BICRAL: variants seen among roughly 807,000 people sequenced by gnomAD.
BICRAL encodes the protein BICRA like chromatin remodeling complex associated protein, also known as BRD4-interacting chromatin-remodeling complex-associated protein-like.
In BICRAL, 8 loss-of-function variants were observed where a neutral mutation model predicts 91.8. The observed-to-expected ratio is 0.09, with a 90% CI of 0.05 to 0.16. The LOEUF (loss-of-function observed/expected upper bound fraction) is 0.16, where lower values mean the gene tolerates loss of function less well. BICRAL is among the 10% of genes least tolerant of loss of function. The pLI, the probability that BICRAL is intolerant of heterozygous loss-of-function variation, is 1.00. For synonymous variants in BICRAL, 445 were observed against 491.1 expected, an observed-to-expected ratio of 0.91 and a Z score of 1.24; for missense variants, 1,038 against 1,310.9, an observed-to-expected ratio of 0.79 and a Z score of 3.21.
chr6:42,755,070 G>A (rs1433277998), intron 1 of BICRAL, among the ~76,000 whole-genome samples: 2 of 152,228 alleles, frequency 1.3e-5, no homozygotes, highest in Admixed American at 6.5e-5. Context: ...CAGACAGTGA[G>A]GTCTCATGCT....
chr6:42,804,873 C>G (rs995534162), intron 1 of BICRAL, among the ~76,000 whole-genome samples: 54 of 152,284 alleles, frequency 3.5e-4, no homozygotes, highest in Middle Eastern at 3.4e-3. Flanking sequence ...TATTTGGGCT[C>G]TGCTTTTTTA....
At chr6:42,782,642 G>T (rs1304083743) in intron 1 of BICRAL, among the ~76,000 whole-genome samples, 6 of 151,550 alleles carry the variant, frequency 4.0e-5, no homozygotes, top group Admixed American at 1.3e-4. Context: ...GGCGGTTGGT[G>T]GTGGGGAGGG....
intron 1 of BICRAL, among the ~76,000 whole-genome samples, chr6:42,747,805 G>GTTTTTTTTTT (rs56209754): frequency 6.5e-4 from 81 of 125,250 alleles, no homozygotes; most frequent in Non-Finnish European, 8.6e-4. Flanking sequence ...GTTTTATTTT[G>GTTTTTTTTTT]TTTTTTTTTT....
chr6:42,750,555 A>G (rs1187386653), intron 1 of BICRAL, among the ~76,000 whole-genome samples: 5 of 152,088 alleles, frequency 3.3e-5, no homozygotes, highest in Non-Finnish European at 1.5e-5. Flanking sequence ...GTCTATATTC[A>G]CATCTGATTA....
intron 6 of BICRAL, among the ~76,000 whole-genome samples, chr6:42,847,283 A>T (rs1051767557): frequency 6.6e-6 from 1 of 152,112 alleles, no homozygotes; most frequent in Non-Finnish European, 1.5e-5. Flanking sequence ...ACCTCTCAAA[A>T]CCTTTTTAAA....
At chr6:42,820,193 C>T (rs1764101137) in intron 2 of BICRAL, among the ~76,000 whole-genome samples, 1 of 151,926 alleles carries the variant, frequency 6.6e-6, no homozygotes, top group Admixed American at 6.6e-5. Context: ...GCAAGTGTGT[C>T]AAGTAAGGAG....
chr6:42,835,041 C>A (rs1434069862), intron 6 of BICRAL, among the ~76,000 whole-genome samples: 1 of 152,106 alleles, frequency 6.6e-6, no homozygotes, highest in Non-Finnish European at 1.5e-5. Context: ...TTGATAGTTC[C>A]AATTCTAATC....
intron 1 of BICRAL, among the ~76,000 whole-genome samples, chr6:42,808,391 A>C (rs1763770376): frequency 6.6e-6 from 1 of 152,136 alleles, no homozygotes; most frequent in Non-Finnish European, 1.5e-5. Flanking sequence ...CAGCCTCCCA[A>C]AGTGCTGGGA....
At chr6:42,851,945 A>G in intron 6 of BICRAL, 147 bp from the exon 7 acceptor site, 1 of 594,216 alleles carries the variant, frequency 1.7e-6, no homozygotes, top group Non-Finnish European at 3.0e-6. Flanking sequence ...TGAAGTGATA[A>G]GAAAATACAA....
intron 1 of BICRAL, among the ~76,000 whole-genome samples, chr6:42,783,794 C>T (rs984023025): frequency 6.6e-6 from 1 of 152,180 alleles, no homozygotes; most frequent in African/African-American, 2.4e-5. Context: ...CCTCCCTGAC[C>T]CCGCACCCCC....
In BICRAL at chr6:42,829,923, G is replaced by A. The variant is rs371702663; in HGVS notation, c.1590G>A (p.Ser530=). ...QGRPGFATMP[S]VTSMSGPSRF... ...GACCTGGCTTCGCCACCATGCCATC[G>A]GTGACAAGCATGTCAGGACCTAGTC... The change falls in exon 6 of 13, where the codon TCG becomes TCA. Residue 530 remains serine (S), a synonymous_variant. Coordinates refer to ENST00000314073, the MANE Select transcript of BICRAL (RefSeq NM_001393499.1). The A allele has an allele frequency of 1.5e-5, 25 of 1,614,196 alleles. No homozygotes were observed. Among genetic ancestry groups the A allele is most frequent in the African/African-American group, 9.3e-5 (7 of 75,044 alleles).
chr6:42,765,673 G>T (rs768730416), intron 1 of BICRAL, among the ~76,000 whole-genome samples: 1 of 152,208 alleles, frequency 6.6e-6, no homozygotes, highest in Non-Finnish European at 1.5e-5. Flanking sequence ...CTTGATAAAG[G>T]TGTGAGTTCC....
chr6:42,824,235 A>C (rs1415332792), intron 5 of BICRAL, among the ~76,000 whole-genome samples: 2 of 136,324 alleles, frequency 1.5e-5, no homozygotes, highest in East Asian at 4.3e-4. Context: ...GTCTCAAAAA[A>C]ATAAAAAAAA....
intron 1 of BICRAL, among the ~76,000 whole-genome samples, chr6:42,770,713 G>GCCCTCCCC (rs1562453233): frequency 2.6e-5 from 4 of 151,344 alleles, no homozygotes; most frequent in African/African-American, 4.9e-5. Context: ...ACCCCACCCG[G>GCCCTCCCC]TCAGTGTTTT....
chr6:42,799,361 C>T (rs560133782), intron 1 of BICRAL, among the ~76,000 whole-genome samples: 7 of 149,774 alleles, frequency 4.7e-5, no homozygotes, highest in South Asian at 2.1e-4. Flanking sequence ...TGCAGTGGCG[C>T]GATCTCAGCT....
intron 1 of BICRAL, among the ~76,000 whole-genome samples, chr6:42,770,764 C>T (rs1762707496): frequency 6.6e-6 from 1 of 151,784 alleles, no homozygotes. Flanking sequence ...AATTTCCACT[C>T]ACTGTAGCCT....
At chr6:42,819,413 G>A (rs1764079107) in intron 2 of BICRAL, among the ~76,000 whole-genome samples, 1 of 152,106 alleles carries the variant, frequency 6.6e-6, no homozygotes, top group South Asian at 2.1e-4. Context: ...AGCCTCCCGA[G>A]TAGCTGGGAC....
intron 1 of BICRAL, among the ~76,000 whole-genome samples, chr6:42,757,753 A>T (rs1762484273): frequency 6.6e-6 from 1 of 152,236 alleles, no homozygotes; most frequent in African/African-American, 2.4e-5. Flanking sequence ...ACCTCATTGA[A>T]TCTTCACAAC....
intron 1 of BICRAL, among the ~76,000 whole-genome samples, chr6:42,760,345 C>T (rs867402188): frequency 6.7e-5 from 10 of 148,784 alleles, no homozygotes; most frequent in Middle Eastern, 6.9e-3. Flanking sequence ...ATGAAGAAAC[C>T]CCATCTCTAC....
Sources: gnomAD v4.1 joint callset for allele counts (sites outside exome capture counted in the v4.1 genomes callset) on GRCh38, gnomAD v4.1.1 for gene constraint, MANE v1.5 for transcripts, NCBI Gene and HGNC (gene_info 2026-07-23, HGNC 2026-07-21) for gene names.